PDZRN4: variants seen among roughly 807,000 people sequenced by gnomAD.
PDZRN4 encodes PDZ domain containing ring finger 4, also known as PDZ domain-containing RING finger protein 4.
A neutral mutation model predicts 99.0 loss-of-function variants in PDZRN4; 70 were observed. The observed-to-expected ratio is 0.71, with a 90% CI of 0.58 to 0.86. PDZRN4 has a LOEUF of 0.86. Ranked by LOEUF, PDZRN4 falls within the 40% of genes least tolerant of loss-of-function variation. The pLI, the probability that PDZRN4 is intolerant of heterozygous loss-of-function variation, is 0.00. For missense variants in PDZRN4, 1,474 were observed against 1,331.2 expected, an observed-to-expected ratio of 1.11 and a Z score of -1.67; for synonymous variants, 551 against 501.6, an observed-to-expected ratio of 1.10 and a Z score of -1.32.
chr12:41,239,735 C>G (rs1337396556), intron 3 of PDZRN4, among the ~76,000 whole-genome samples: 1 of 152,138 alleles, frequency 6.6e-6, no homozygotes, highest in African/African-American at 2.4e-5. Flanking sequence ...CTTTCTTAAA[C>G]AGCTTATATT....
intron 3 of PDZRN4, among the ~76,000 whole-genome samples, chr12:41,271,840 CCTCAGAGGA>C (rs940823669): frequency 4.6e-5 from 7 of 152,078 alleles, no homozygotes; most frequent in Non-Finnish European, 8.8e-5. Context: ...AATACACTCC[CCTCAGAGGA>C]CTTTGTGGTT....
intron 3 of PDZRN4, among the ~76,000 whole-genome samples, chr12:41,238,477 G>A (rs983320096): frequency 2.0e-5 from 3 of 152,076 alleles, no homozygotes; most frequent in African/African-American, 7.2e-5. Context: ...CTGTCCATCT[G>A]ACAAAGGTCT....
At chr12:41,470,929 A>G (rs1304307082) in intron 3 of PDZRN4, among the ~76,000 whole-genome samples, 1 of 152,210 alleles carries the variant, frequency 6.6e-6, no homozygotes, top group Non-Finnish European at 1.5e-5. Flanking sequence ...GCAGCCATAG[A>G]CAATAAACAG....
At chr12:41,315,875 A>G (rs761804231) in intron 3 of PDZRN4, among the ~76,000 whole-genome samples, 2 of 152,114 alleles carry the variant, frequency 1.3e-5, no homozygotes, top group Non-Finnish European at 2.9e-5. Flanking sequence ...GCAACCCAAC[A>G]TAAATCAAAG....
intron 5 of PDZRN4, among the ~76,000 whole-genome samples, chr12:41,510,971 G>A (rs962049632): frequency 2.0e-5 from 3 of 152,020 alleles, no homozygotes; most frequent in Non-Finnish European, 4.4e-5. Context: ...TCTTTATTAA[G>A]TTGATTGAAA....
At chr12:41,284,214 A>G (rs1212489409) in intron 3 of PDZRN4, among the ~76,000 whole-genome samples, 3 of 152,222 alleles carry the variant, frequency 2.0e-5, no homozygotes, top group Non-Finnish European at 4.4e-5. Context: ...CTATACACCA[A>G]TAACAGACAA....
At chr12:41,226,341 A>G (rs1460735944) in intron 3 of PDZRN4, among the ~76,000 whole-genome samples, 1 of 151,916 alleles carries the variant, frequency 6.6e-6, no homozygotes, top group Non-Finnish European at 1.5e-5. Flanking sequence ...AATGTACTGC[A>G]TTATGTACCT....
intron 7 of PDZRN4, among the ~76,000 whole-genome samples, chr12:41,556,730 G>T (rs1006147203): frequency 2.6e-5 from 4 of 152,250 alleles, no homozygotes; most frequent in Non-Finnish European, 5.9e-5. Flanking sequence ...ATAGTAAGCA[G>T]ACTGTAGGAG....
At chr12:41,546,271 A>G (rs1938948790) in intron 5 of PDZRN4, among the ~76,000 whole-genome samples, 1 of 152,170 alleles carries the variant, frequency 6.6e-6, no homozygotes, top group Non-Finnish European at 1.5e-5. Context: ...GACAAAGAGA[A>G]CAGGGTAGTT....
chr12:41,406,686 A>C (rs10735993), intron 3 of PDZRN4, among the ~76,000 whole-genome samples: 81,132 of 151,510 alleles, frequency 0.54, 23,306 homozygotes, highest in African/African-American at 0.77. Flanking sequence ...CTGAGGTCAG[A>C]AATTCGAGAC....
chr12:41,534,515 A>G (rs978384208), intron 5 of PDZRN4, among the ~76,000 whole-genome samples: 1 of 151,890 alleles, frequency 6.6e-6, no homozygotes, highest in Non-Finnish European at 1.5e-5. Flanking sequence ...TTCATTGTTC[A>G]GCTCCCACTT....
At chr12:41,555,450 G>T (rs932662800) in intron 6 of PDZRN4, among the ~76,000 whole-genome samples, 1 of 151,526 alleles carries the variant, frequency 6.6e-6, no homozygotes, top group Non-Finnish European at 1.5e-5. Flanking sequence ...ATAGAGAAAG[G>T]GTGGAAAACT....
intron 3 of PDZRN4, among the ~76,000 whole-genome samples, chr12:41,390,579 T>TAAAAAAAAAAAA (rs1555138907): frequency 1.0e-5 from 1 of 95,356 alleles, no homozygotes; most frequent in African/African-American, 4.4e-5. Flanking sequence ...AAAAAAAAAG[T>TAAAAAAAAAAAA]AAAAGCTTTT....
At chr12:41,271,096 C>G (rs887056499) in intron 3 of PDZRN4, among the ~76,000 whole-genome samples, 33 of 151,970 alleles carry the variant, frequency 2.2e-4, no homozygotes, top group African/African-American at 7.5e-4. Context: ...TTTATATTAT[C>G]TAAACCTCAA....
intron 3 of PDZRN4, among the ~76,000 whole-genome samples, chr12:41,297,347 T>C (rs1471613809): frequency 6.6e-6 from 1 of 152,212 alleles, no homozygotes; most frequent in East Asian, 1.9e-4. Flanking sequence ...TTTTAAAATC[T>C]GATAGAACAA....
At chr12:41,471,940 T>C (rs2120571053) in intron 3 of PDZRN4, among the ~76,000 whole-genome samples, 1 of 151,950 alleles carries the variant, frequency 6.6e-6, no homozygotes, top group South Asian at 2.1e-4. Context: ...GCAAATGATA[T>C]CAATCAAAAC....
chr12:41,501,817 A>T (rs1277219299), intron 3 of PDZRN4, among the ~76,000 whole-genome samples: 1 of 152,174 alleles, frequency 6.6e-6, no homozygotes, highest in Non-Finnish European at 1.5e-5. Context: ...CTGAATTGAT[A>T]AGTGCAGGGA....
At chr12:41,227,235 CTGATTAAGT>C (rs1951000876) in intron 3 of PDZRN4, among the ~76,000 whole-genome samples, 1 of 152,108 alleles carries the variant, frequency 6.6e-6, no homozygotes, top group African/African-American at 2.4e-5. Flanking sequence ...AGAAGTAATT[CTGATTAAGT>C]TTGAGGTTTG....
chr12:41,439,232 G>C lies in PDZRN4; in HGVS notation c.844-67224G>C, dbSNP rs186862214. ...AGATTAACATTGTTAATTACACCAG[G>C]GGCAATACCTTTTGCTTCATTTTTT... On this transcript the variant is annotated intron_variant, in intron 3 of 9. Transcript: ENST00000402685. Among the ~76,000 whole-genome samples, 350 of 152,164 alleles carry C rather than the reference G, an allele frequency of 2.3e-3. 1 individual carries two copies. The highest frequency in any genetic ancestry group is 4.3e-3 in the Non-Finnish European group (290 of 68,006).
Sources: allele counts gnomAD v4.1 joint callset (sites outside exome capture counted in the v4.1 genomes callset), GRCh38; gene constraint gnomAD v4.1.1; transcripts MANE v1.5; gene names NCBI Gene and HGNC (gene_info 2026-07-23, HGNC 2026-07-21).